DIAPH2: variants seen among roughly 807,000 people sequenced by gnomAD.
DIAPH2 encodes the protein diaphanous related formin 2, also known as protein diaphanous homolog 2.
DIAPH2 carries 35 observed loss-of-function variants against 92.7 expected under a neutral mutation model. The ratio of observed to expected loss-of-function variants is 0.38; its 90% CI spans 0.29 to 0.50. The LOEUF (loss-of-function observed/expected upper bound fraction) is 0.50. DIAPH2 is among the 20% of genes least tolerant of loss of function. The pLI is 0.94. For missense variants in DIAPH2, 701 were observed against 819.5 expected (o/e 0.86, Z 1.77); for synonymous variants, 301 against 280.4 (o/e 1.07, Z -0.73).
At position 96,700,949 on chromosome X, in the gene DIAPH2, T is replaced by G. The variant is rs753259756; in HGVS notation, c.132+15759T>G. Among the ~76,000 whole-genome samples, 18 of 112,493 alleles carry G rather than the reference T, an allele frequency of 1.6e-4. No individual in the cohort carries two copies. In the South Asian group the frequency reaches 6.6e-3, roughly 41 times the overall value. ...CTACTATTAGGCACCTAATTGTATCTTCTTCCTTTTTTAATTTGCTCCCCT... is the reference window on the plus strand; with the variant it reads ...CTACTATTAGGCACCTAATTGTATCGTCTTCCTTTTTTAATTTGCTCCCCT... On this transcript the variant is annotated intron_variant, in intron 1 of 26. Transcript: ENST00000324765.
chrX:97,233,421 C>G (rs1011932218), intron 22 of DIAPH2, among the ~76,000 whole-genome samples: 3 of 111,827 alleles, frequency 2.7e-5, no homozygotes, highest in Non-Finnish European at 5.6e-5. Context: ...TAACAAGATA[C>G]GTTTTATAGG....
At chrX:96,739,884 T>C (rs1325040725) in intron 3 of DIAPH2, among the ~76,000 whole-genome samples, 1 of 112,114 alleles carries the variant, frequency 8.9e-6, no homozygotes, top group African/African-American at 3.2e-5. Flanking sequence ...TTTTGAAGTC[T>C]GTTATTGCTG....
At chrX:97,104,875 C>T (rs1265027850) in intron 20 of DIAPH2, among the ~76,000 whole-genome samples, 1 of 111,983 alleles carries the variant, frequency 8.9e-6, no homozygotes, top group Non-Finnish European at 1.9e-5. Flanking sequence ...TGGTGGCTCA[C>T]GTCTGAATCC....
chrX:97,165,583 C>A (rs892018950), intron 22 of DIAPH2, among the ~76,000 whole-genome samples: 1 of 110,398 alleles, frequency 9.1e-6, no homozygotes, highest in Non-Finnish European at 1.9e-5. Flanking sequence ...AACCTCTGTC[C>A]CCCGGGCTCA....
At chrX:96,817,173 T>TA (rs2064742495) in intron 4 of DIAPH2, among the ~76,000 whole-genome samples, 1 of 112,142 alleles carries the variant, frequency 8.9e-6, no homozygotes. Flanking sequence ...GTGGCTATAG[T>TA]AAAAAATAAT....
intron 24 of DIAPH2, among the ~76,000 whole-genome samples, chrX:97,369,073 G>C (rs1244179165): frequency 1.8e-5 from 2 of 109,154 alleles, no homozygotes; most frequent in Non-Finnish European, 3.8e-5. Context: ...ACGCCTGGCT[G>C]ATTTTTGTAT....
At chrX:97,010,357 G>A (rs1450984866) in intron 17 of DIAPH2, among the ~76,000 whole-genome samples, 5 of 110,957 alleles carry the variant, frequency 4.5e-5, no homozygotes, top group Middle Eastern at 4.2e-3. Flanking sequence ...AGGGATGGGG[G>A]GGATGGTGTT....
rs747266512 is a variant in DIAPH2 at position 97,323,552 on chromosome X, T to C, written c.2845-24564T>C. Reference sequence around the variant, plus strand: ...CTTGCAGTGAGCCGAGATCGCACCATTGCACTCCAGCCTGGGTGACAGAGT... The same window carrying C: ...CTTGCAGTGAGCCGAGATCGCACCACTGCACTCCAGCCTGGGTGACAGAGT... On this transcript the variant is annotated intron_variant, in intron 23 of 26. Coordinates refer to ENST00000324765, the MANE Select transcript of DIAPH2 (RefSeq NM_006729.5). Among the ~76,000 whole-genome samples, 11 of 91,275 alleles carry C rather than the reference T, an allele frequency of 1.2e-4. No homozygotes were observed. The South Asian group carries it at 2.4e-3, about 20-fold the overall frequency. The allele number at this position is 91,275 out of a possible 115,157, so 79.3% of individuals were successfully genotyped here. A position where few individuals can be genotyped will look rare whatever the true frequency, so the allele number is the denominator to read the frequency against.
chrX:96,802,356 T>C (rs1166898198), intron 4 of DIAPH2, among the ~76,000 whole-genome samples: 2 of 112,460 alleles, frequency 1.8e-5, no homozygotes, highest in African/African-American at 6.5e-5. Flanking sequence ...GATTTTGCTC[T>C]ATTAAAACTT....
chrX:97,527,952 A>G (rs2147849159), intron 26 of DIAPH2, among the ~76,000 whole-genome samples: 1 of 111,657 alleles, frequency 9.0e-6, no homozygotes, highest in South Asian at 3.8e-4. Flanking sequence ...TCAGTTTTTG[A>G]CTAGTGATGA....
At chrX:97,160,312 T>C (rs1482684952) in intron 22 of DIAPH2, among the ~76,000 whole-genome samples, 1 of 111,953 alleles carries the variant, frequency 8.9e-6, no homozygotes, top group Non-Finnish European at 1.9e-5. Context: ...TGAGATTTTA[T>C]CTATAGAACC....
chrX:96,988,824 C>A lies in DIAPH2; in HGVS notation c.2050+23617C>A, dbSNP rs925886186. Among the ~76,000 whole-genome samples, 16 of 110,918 alleles carry A rather than the reference C, an allele frequency of 1.4e-4. No individual in the cohort carries two copies. In the South Asian group the frequency reaches 5.4e-3, roughly 37 times the overall value. On this transcript the variant is annotated intron_variant, in intron 17 of 26. Coordinates refer to ENST00000324765, the MANE Select transcript of DIAPH2 (RefSeq NM_006729.5). ...ATGAATATTGCACCTCTAAGTGTTT[C>A]TTTTGATTTACTGTAGGCTGAGGTC... is the stretch of plus-strand genomic sequence containing the variant.
At chrX:97,183,534 CA>C (rs2067557105) in intron 22 of DIAPH2, among the ~76,000 whole-genome samples, 2 of 112,101 alleles carry the variant, frequency 1.8e-5, no homozygotes, top group African/African-American at 6.5e-5. Flanking sequence ...GCAGTCTTTT[CA>C]AAAGTTTAAC....
intron 4 of DIAPH2, among the ~76,000 whole-genome samples, chrX:96,799,653 C>T (rs1049390773): frequency 9.1e-6 from 1 of 110,131 alleles, no homozygotes; most frequent in Non-Finnish European, 1.9e-5. Context: ...ATTAAAAATA[C>T]AAAAATTAGC....
At chrX:96,974,097 T>C (rs1017123749) in intron 17 of DIAPH2, among the ~76,000 whole-genome samples, 5 of 111,584 alleles carry the variant, frequency 4.5e-5, no homozygotes, top group Non-Finnish European at 9.4e-5. Context: ...TTTGTTAAGT[T>C]GGAATGTAAA....
chrX:97,347,325 G>A (rs1026941198), intron 23 of DIAPH2, among the ~76,000 whole-genome samples: 15 of 109,191 alleles, frequency 1.4e-4, no homozygotes, highest in African/African-American at 5.0e-4. Context: ...TCCTGACCTT[G>A]TAATCTGCTC....
intron 4 of DIAPH2, among the ~76,000 whole-genome samples, chrX:96,845,768 T>G (rs1362647639): frequency 8.9e-6 from 1 of 111,775 alleles, no homozygotes; most frequent in East Asian, 2.8e-4. Flanking sequence ...AAAACACCAT[T>G]TATAGTTGAG....
chrX:97,104,671 A>G (rs1200704444), intron 20 of DIAPH2, among the ~76,000 whole-genome samples: 2 of 111,290 alleles, frequency 1.8e-5, no homozygotes, highest in Non-Finnish European at 3.8e-5. Flanking sequence ...GTGTGCCACC[A>G]TACCTGGCCT....
At chrX:96,771,597 G>A (rs934576606) in intron 4 of DIAPH2, among the ~76,000 whole-genome samples, 2 of 111,514 alleles carry the variant, frequency 1.8e-5, no homozygotes, top group Non-Finnish European at 3.8e-5. Context: ...TCCTTTAAAA[G>A]CTCTGTATAA....
Sources: gnomAD v4.1 joint callset for allele counts (sites outside exome capture counted in the v4.1 genomes callset) on GRCh38, gnomAD v4.1.1 for gene constraint, MANE v1.5 for transcripts, NCBI Gene and HGNC (gene_info 2026-07-23, HGNC 2026-07-21) for gene names.